The following CPAP variants were observed in gnomAD, a reference collection of about 807,000 sequenced individuals.
The protein encoded by CPAP is centrosomal P4.1-associated protein.
At chr13:24,919,297 T>A in the CPAP span, among the ~76,000 whole-genome samples, 1 of 152,238 alleles carries the variant, frequency 6.6e-6, no homozygotes, top group Non-Finnish European at 1.5e-5. Flanking sequence ...TTTATCTGAG[T>A]AATGCAATGA....
At chr13:24,909,676 G>A in the CPAP span, 60 of 987,038 alleles carry the variant, frequency 6.1e-5, no homozygotes, top group Non-Finnish European at 8.8e-5. Flanking sequence ...TGAGCAACAC[G>A]GCAACACTCC....
chr13:24,930,960 C>T, the CPAP span, among the ~76,000 whole-genome samples: 676 of 152,274 alleles, frequency 4.4e-3, 5 homozygotes, highest in African/African-American at 0.015. Flanking sequence ...TTTCTCTGCA[C>T]CCTTGCCAGC....
chr13:24,917,153 A>T, the CPAP span, among the ~76,000 whole-genome samples: 1 of 152,150 alleles, frequency 6.6e-6, no homozygotes, highest in Non-Finnish European at 1.5e-5. Flanking sequence ...GGGGAGGCTG[A>T]GGCAGAAGGA....
At chr13:24,930,924 C>G in the CPAP span, among the ~76,000 whole-genome samples, 805 of 152,308 alleles carry the variant, frequency 5.3e-3, 22 homozygotes, top group East Asian at 0.081. Flanking sequence ...ATTTACATCC[C>G]CACCAACAGT....
the CPAP span, chr13:24,889,026 T>C: frequency 2.5e-6 from 1 of 407,436 alleles, no homozygotes; most frequent in South Asian, 2.6e-5. Context: ...ATGTTTCCTT[T>C]GAGCATCATG....
At chr13:24,885,085 T>C in the CPAP span, among the ~76,000 whole-genome samples, 2 of 152,214 alleles carry the variant, frequency 1.3e-5, no homozygotes, top group Non-Finnish European at 2.9e-5. Flanking sequence ...TGCCAAGGAT[T>C]ACAAAGGCTT....
At chr13:24,884,449 A>G in the CPAP span, 2 of 1,614,140 alleles carry the variant, frequency 1.2e-6, no homozygotes, top group Admixed American at 3.3e-5. Context: ...ACCCATTCTT[A>G]TAAACCTTTT....
At chr13:24,910,733 G>A in the CPAP span, among the ~76,000 whole-genome samples, 2 of 152,222 alleles carry the variant, frequency 1.3e-5, no homozygotes, top group African/African-American at 2.4e-5. Flanking sequence ...TTCTGTCATA[G>A]TGCGGTTCTA....
the CPAP span, chr13:24,933,088 G>C: frequency 5.8e-4 from 917 of 1,588,496 alleles, 15 homozygotes; most frequent in South Asian, 9.8e-3. Flanking sequence ...GCTACAAACT[G>C]ACATTAAGGA....
At chr13:24,932,202 C>T in the CPAP span, among the ~76,000 whole-genome samples, 31 of 152,330 alleles carry the variant, frequency 2.0e-4, no homozygotes, top group Admixed American at 7.2e-4. Context: ...ACTCGGGAAC[C>T]GCTATCTCCA....
chr13:24,904,354 T>A, the CPAP span, among the ~76,000 whole-genome samples: 20,661 of 152,160 alleles, frequency 0.14, 1,604 homozygotes, highest in East Asian at 0.32. Context: ...CGAATATATA[T>A]AAATAGCTTA....
the CPAP span, among the ~76,000 whole-genome samples, chr13:24,927,307 T>C: frequency 5.3e-5 from 8 of 152,268 alleles, 1 homozygote; most frequent in African/African-American, 1.9e-4. Flanking sequence ...AACGGTGACC[T>C]TTAAAGGGAG....
At chr13:24,928,744 TAAC>T in the CPAP span, among the ~76,000 whole-genome samples, 52 of 152,326 alleles carry the variant, frequency 3.4e-4, no homozygotes, top group South Asian at 0.01. Context: ...AAGAAGATTC[TAAC>T]AACAATGTTG....
the CPAP span, among the ~76,000 whole-genome samples, chr13:24,928,766 G>C: frequency 6.6e-6 from 1 of 152,170 alleles, no homozygotes; most frequent in African/African-American, 2.4e-5. Flanking sequence ...TGGGTGCAAA[G>C]AGACTTTTTT....
chr13:24,910,349 G>A, the CPAP span, among the ~76,000 whole-genome samples: 1 of 152,148 alleles, frequency 6.6e-6, no homozygotes, highest in African/African-American at 2.4e-5. Flanking sequence ...TCAGCCTCCT[G>A]AGTAGCTGGG....
the CPAP span, chr13:24,909,850 A>C: frequency 6.2e-7 from 1 of 1,613,808 alleles, no homozygotes; most frequent in East Asian, 2.2e-5. Flanking sequence ...GCTTCTTGAT[A>C]CTGTGCCTCA....
the CPAP span, chr13:24,909,956 C>T: frequency 1.8e-5 from 29 of 1,614,000 alleles, no homozygotes; most frequent in Middle Eastern, 1.6e-4. Context: ...AAATGTTGGA[C>T]GGGTATGTTT....
the CPAP span, chr13:24,906,947 G>T: frequency 6.2e-7 from 1 of 1,613,576 alleles, no homozygotes; most frequent in Non-Finnish European, 8.5e-7. Context: ...GATTGGCAAT[G>T]GTCCTTCTGC....
At chr13:24,885,424 T>C in the CPAP span, 1 of 1,429,096 alleles carries the variant, frequency 7.0e-7, no homozygotes, top group African/African-American at 1.4e-5. Context: ...TAAAACCTAC[T>C]CTTACTTCCA....
Sources: gnomAD v4.1 joint callset for allele counts (sites outside exome capture counted in the v4.1 genomes callset) on GRCh38, gnomAD v4.1.1 for gene constraint, MANE v1.5 for transcripts, NCBI Gene and HGNC (gene_info 2026-07-23, HGNC 2026-07-21) for gene names.